Variants in CACNB2 observed in about 807,000 individuals in gnomAD.
CACNB2 encodes calcium voltage-gated channel auxiliary subunit beta 2, also known as voltage-dependent L-type calcium channel subunit beta-2.
CACNB2 carries 42 observed loss-of-function variants against 73.3 expected under a neutral mutation model. That is an observed-to-expected ratio of 0.57 (90% confidence interval 0.45 to 0.74). The LOEUF (loss-of-function observed/expected upper bound fraction) is 0.74. Among genes scored for constraint, CACNB2 ranks in the 30% least tolerant of loss-of-function variants. The probability of loss-of-function intolerance (pLI) is 0.00; values close to 1 mark genes in which losing one functional copy is unlikely to be tolerated. For missense variants in CACNB2, 940 were observed against 853.0 expected (o/e 1.10, Z -1.27); for synonymous variants, 348 against 310.3 (o/e 1.12, Z -1.28).
At chr10:18,488,345 G>C (rs1189894400) in intron 3 of CACNB2, among the ~76,000 whole-genome samples, 5 of 151,400 alleles carry the variant, frequency 3.3e-5, no homozygotes, top group African/African-American at 1.2e-4. Context: ...CGTGGTGGCA[G>C]GTGCCTGTAG....
At chr10:18,243,063 A>G (rs558105722) in intron 2 of CACNB2, among the ~76,000 whole-genome samples, 1 of 152,000 alleles carries the variant, frequency 6.6e-6, no homozygotes, top group Non-Finnish European at 1.5e-5. Context: ...ATATATTGAG[A>G]TAAAGACTAA....
At chr10:18,320,967 G>A (rs1407909493) in intron 2 of CACNB2, among the ~76,000 whole-genome samples, 4 of 152,150 alleles carry the variant, frequency 2.6e-5, no homozygotes, top group Non-Finnish European at 5.9e-5. Context: ...AACTACTGAT[G>A]ATAACATGCA....
intron 3 of CACNB2, among the ~76,000 whole-genome samples, chr10:18,417,245 C>T (rs1479174317): frequency 6.6e-6 from 1 of 151,482 alleles, no homozygotes. Flanking sequence ...AAGCAAAAAA[C>T]TCACCTTTTG....
chr10:18,353,568 G>A lies in CACNB2; in HGVS notation c.214-48356G>A, dbSNP rs141357291. On this transcript the variant is annotated intron_variant, in intron 2 of 13. Coordinates refer to ENST00000324631, the MANE Select transcript of CACNB2 (RefSeq NM_201596.3). ...ATTTCTTCACAGTTCGCCGATCTAC[G>A]TTGATTCAGTATAAGGTACACATCA... Among the ~76,000 whole-genome samples, 113 of 152,278 alleles carry A rather than the reference G, an allele frequency of 7.4e-4. 1 individual carries two copies. The Middle Eastern group carries it at 0.01, about 14-fold the overall frequency.
intron 2 of CACNB2, among the ~76,000 whole-genome samples, chr10:18,246,776 G>C (rs969773056): frequency 6.6e-6 from 1 of 151,656 alleles, no homozygotes; most frequent in African/African-American, 2.4e-5. Context: ...TTTGTTTTTT[G>C]TTTGTTTGTT....
At chr10:18,523,913 A>G (rs2052178396) in intron 9 of CACNB2, among the ~76,000 whole-genome samples, 1 of 152,026 alleles carries the variant, frequency 6.6e-6, no homozygotes, top group South Asian at 2.1e-4. Context: ...TAGGTAGTCA[A>G]GAATTCCTTT....
intron 2 of CACNB2, among the ~76,000 whole-genome samples, chr10:18,327,825 G>T (rs945192498): frequency 6.6e-6 from 1 of 152,156 alleles, no homozygotes. Flanking sequence ...CAGATGAGCA[G>T]GGTTTGGCAC....
chr10:18,465,026 T>C (rs2047800129), intron 3 of CACNB2, among the ~76,000 whole-genome samples: 1 of 152,064 alleles, frequency 6.6e-6, no homozygotes, highest in Admixed American at 6.6e-5. Flanking sequence ...TTGGAGGTGG[T>C]TGGATATAGA....
At chr10:18,439,219 C>G (rs2046298619) in intron 3 of CACNB2, among the ~76,000 whole-genome samples, 1 of 152,180 alleles carries the variant, frequency 6.6e-6, no homozygotes, top group Non-Finnish European at 1.5e-5. Flanking sequence ...TCACGAGATG[C>G]TGAATTGCAG....
At chr10:18,346,920 G>C (rs753885062) in intron 2 of CACNB2, among the ~76,000 whole-genome samples, 1 of 152,030 alleles carries the variant, frequency 6.6e-6, no homozygotes, top group African/African-American at 2.4e-5. Context: ...TTGGACATCA[G>C]AGAAGAGAAA....
At chr10:18,288,980 G>A (rs1683041625) in intron 2 of CACNB2, among the ~76,000 whole-genome samples, 1 of 152,168 alleles carries the variant, frequency 6.6e-6, no homozygotes, top group African/African-American at 2.4e-5. Flanking sequence ...AGGAGGCAGA[G>A]ATTACAGTGA....
At chr10:18,245,281 C>A (rs2036816801) in intron 2 of CACNB2, among the ~76,000 whole-genome samples, 1 of 152,102 alleles carries the variant, frequency 6.6e-6, no homozygotes, top group African/African-American at 2.4e-5. Flanking sequence ...TAAGGTAGAA[C>A]TGCTGTAAGG....
At chr10:18,534,354 A>G (rs982135890) in intron 11 of CACNB2, 127 bp downstream of exon 11, 40 of 845,520 alleles carry the variant, frequency 4.7e-5, no homozygotes, top group Admixed American at 4.5e-4. Context: ...GAGACATGAT[A>G]GTCAAGAATT....
intron 3 of CACNB2, among the ~76,000 whole-genome samples, chr10:18,427,403 C>T (rs1439974932): frequency 1.3e-5 from 2 of 152,040 alleles, no homozygotes; most frequent in African/African-American, 4.8e-5. Flanking sequence ...GGGGGACTTA[C>T]TGTATGTATA....
rs758185302 is a variant in CACNB2 at position 18,539,544 on chromosome 10, ACACAGGGAGTCCCGG to A, written c.1807_1821del (p.Glu604_Arg608del). On this transcript the variant is annotated inframe_deletion, in exon 14 of 14. Transcript: ENST00000324631. ...AGACCCACGGGAGCAGTGACCACAG[ACACAGGGAGTCCCGG>A]CACCGTTCCCGGGACGTGGATCGAG... The A allele has an allele frequency of 1.9e-6, 3 of 1,613,850 alleles. No individual in the cohort carries two copies. The highest frequency in any genetic ancestry group is 1.7e-6 in the Non-Finnish European group (2 of 1,179,982).
intron 2 of CACNB2, among the ~76,000 whole-genome samples, chr10:18,307,983 C>CTTGTTTTTTTTTTTTT (rs2039803586): frequency 1.4e-5 from 1 of 70,268 alleles, no homozygotes; most frequent in Admixed American, 1.9e-4. Context: ...TATATGCCAA[C>CTTGTTTTTTTTTTTTT]TTTTTTTTTT....
At chr10:18,407,920 T>G (rs2044384349) in intron 3 of CACNB2, among the ~76,000 whole-genome samples, 1 of 152,152 alleles carries the variant, frequency 6.6e-6, no homozygotes, top group South Asian at 2.1e-4. Flanking sequence ...TTATTAAGCT[T>G]CTTTAATATT....
chr10:18,421,329 CT>C (rs1325249806), intron 3 of CACNB2, among the ~76,000 whole-genome samples: 1 of 148,244 alleles, frequency 6.7e-6, no homozygotes, highest in African/African-American at 2.5e-5. Flanking sequence ...CAGAATTTCA[CT>C]CTTGTTGCCC....
intron 2 of CACNB2, among the ~76,000 whole-genome samples, chr10:18,184,830 G>A (rs1424192766): frequency 6.6e-6 from 1 of 151,864 alleles, no homozygotes; most frequent in African/African-American, 2.4e-5. Flanking sequence ...CATCACCTCG[G>A]TATTAAGCCC....
Sources: allele counts gnomAD v4.1 joint callset (sites outside exome capture counted in the v4.1 genomes callset), GRCh38; gene constraint gnomAD v4.1.1; transcripts MANE v1.5; gene names NCBI Gene and HGNC (gene_info 2026-07-23, HGNC 2026-07-21).